The following SLC6A3 variants were observed in gnomAD, a reference collection of about 807,000 sequenced individuals.
SLC6A3 encodes the protein solute carrier family 6 member 3.
In SLC6A3, 19 loss-of-function variants were observed where a neutral mutation model predicts 70.4. The ratio of observed to expected loss-of-function variants is 0.27; its 90% CI spans 0.19 to 0.40. The LOEUF is 0.40. SLC6A3 is among the 10% of genes least tolerant of loss of function. The probability of loss-of-function intolerance (pLI) is 1.00; values close to 1 mark genes in which losing one functional copy is unlikely to be tolerated. For missense variants in SLC6A3, 613 were observed against 838.5 expected, an observed-to-expected ratio of 0.73 and a Z score of 3.32; for synonymous variants, 368 against 356.6, an observed-to-expected ratio of 1.03 and a Z score of -0.36.
chr5:1,406,389 C>T lies in SLC6A3; in HGVS notation c.1499-101G>A. ...CGCTGACTCCCAAGGGCCCCACCTA[C>T]CGGCCCCAGGCTTCGGCTGCACCCA... On this transcript the variant is annotated intron_variant, in intron 11 of 14. Transcript: ENST00000270349. This position sits in a 1 kb window ranked among gnomAD's most constrained non-coding sequence, Gnocchi z 8.8. 9.7e-7 allele frequency: 1 copy of T among 1,034,546 alleles called. No homozygotes were observed. The highest frequency in any genetic ancestry group is 1.6e-5 in the African/African-American group (1 of 63,734). 64.1% of individuals were successfully genotyped at this position (1,034,546 alleles called of 1,614,324 possible).
rs530081206 is a variant in SLC6A3 at position 1,396,557 on chromosome 5, C to T, written c.1840-1799G>A. 1.4e-4 allele frequency among the ~76,000 whole-genome samples: 21 copies of T among 152,296 alleles called. No homozygotes were observed. Among genetic ancestry groups the T allele is most frequent in the Admixed American group, 9.8e-4 (15 of 15,306 alleles). On this transcript the variant is annotated intron_variant, in intron 14 of 14. Coordinates refer to ENST00000270349, the MANE Select transcript of SLC6A3 (RefSeq NM_001044.5). The surrounding 1 kb of genome is among the most constrained non-coding windows in gnomAD (Gnocchi z 7.0). ...GGTGGCTGCAGTTTGCAGGCCAGAG[C>T]GCCAGAGAGGAGGTGGCCACACAGA...
intron 6 of SLC6A3, chr5:1,416,569 G>A (rs987997758): frequency 2.5e-5 from 7 of 279,040 alleles, no homozygotes; most frequent in South Asian, 4.2e-5. Flanking sequence ...GGAACAGCAC[G>A]GCCTCATCTA....
At chr5:1,429,779 C>A (rs1756652821) in intron 4 of SLC6A3, among the ~76,000 whole-genome samples, 1 of 152,200 alleles carries the variant, frequency 6.6e-6, no homozygotes, top group Non-Finnish European at 1.5e-5. Flanking sequence ...CTCCTGCTGT[C>A]CCCTCTCTTT....
chr5:1,435,897 T>C (rs1439878315), intron 3 of SLC6A3, among the ~76,000 whole-genome samples: 1 of 145,612 alleles, frequency 6.9e-6, no homozygotes, highest in Non-Finnish European at 1.5e-5. Context: ...CCTGGGCACC[T>C]GGGTGAGGAA....
chr5:1,443,046 C>T lies in SLC6A3; in HGVS notation c.152G>A (p.Arg51Gln), dbSNP rs774827862. The T allele has an allele frequency of 3.7e-5, 60 of 1,614,082 alleles. No homozygotes were observed. Among genetic ancestry groups the T allele is most frequent in the Non-Finnish European group, 4.7e-5 (56 of 1,180,042 alleles). Reference protein sequence around the residue: ...QLTSSTLTNPRQSPVEAQDRE... With the variant: ...QLTSSTLTNPQQSPVEAQDRE... ...ATCCTGGGCCTCCACGGGGCTCTGC[C>T]GCGGGTTGGTGAGGGTGGAGCTGGT... Residue 51 changes from arginine (R) to glutamine (Q), a missense_variant, in exon 2 of 15, where the codon CGG becomes CAG. By Grantham distance (43) the Arg-to-Gln change is conservative. This residue lies in a region of SLC6A3 where 111 missense variants were observed against 91.6 expected (regional missense o/e 1.21). Coordinates refer to ENST00000270349, the MANE Select transcript of SLC6A3 (RefSeq NM_001044.5).
At chr5:1,425,299 G>A (rs2126380223) in intron 4 of SLC6A3, among the ~76,000 whole-genome samples, 1 of 152,334 alleles carries the variant, frequency 6.6e-6, no homozygotes, top group East Asian at 1.9e-4. Context: ...AGGCAGTGAG[G>A]TGGTGAAACA....
rs1046883862 is a variant in SLC6A3, at chr5:1,421,620, G to A, written c.792+256C>T. On this transcript the variant is annotated intron_variant, in intron 5 of 14. Coordinates refer to ENST00000270349, the MANE Select transcript of SLC6A3 (RefSeq NM_001044.5). This position sits in a 1 kb window ranked among gnomAD's most constrained non-coding sequence, Gnocchi z 7.2. ...TGTCCCCCCACCCACCCATGGCCGCGCGTCTACCCAAGCCAACCCGGCACA... is the reference window on the plus strand; with the variant it reads ...TGTCCCCCCACCCACCCATGGCCGCACGTCTACCCAAGCCAACCCGGCACA... Among the ~76,000 whole-genome samples the A allele has an allele frequency of 2.0e-5, 3 of 149,426 alleles. No individual in the cohort carries two copies. The highest frequency in any genetic ancestry group is 5.0e-5 in the African/African-American group (2 of 40,230).
In SLC6A3 at chr5:1,413,438, T is replaced by G. The variant is rs918281675; in HGVS notation, c.1156+1253A>C. ...GTGCGAGGGTCCTAGTGCCCCACTC[T>G]GTGAGACTCAGGTGCGGTCAAGGCT... On this transcript the variant is annotated intron_variant, in intron 8 of 14. Transcript: ENST00000270349. The surrounding 1 kb of genome is among the most constrained non-coding windows in gnomAD (Gnocchi z 7.1). Among the ~76,000 whole-genome samples the G allele has an allele frequency of 6.6e-6, 1 of 152,190 alleles. No individual in the cohort carries two copies. Among genetic ancestry groups the G allele is most frequent in the Non-Finnish European group, 1.5e-5 (1 of 68,034 alleles).
chr5:1,407,935 G>C (rs918605780), intron 11 of SLC6A3, among the ~76,000 whole-genome samples: 44 of 152,292 alleles, frequency 2.9e-4, no homozygotes, highest in African/African-American at 1.1e-3. Flanking sequence ...CAGGTGAGCT[G>C]GGCGTCCTCC....
chr5:1,416,008 T>C (rs1353692100), intron 7 of SLC6A3, 90 bp downstream of exon 7: 2 of 1,008,530 alleles, frequency 2.0e-6, no homozygotes, highest in Non-Finnish European at 3.1e-6. Context: ...GGATCCGCCC[T>C]GTTCTCATCC....
rs929845423 is a variant in SLC6A3, at chr5:1,400,298, C to G, written c.1839+617G>C. 2.0e-5 allele frequency among the ~76,000 whole-genome samples: 3 copies of G among 152,220 alleles called. No individual in the cohort carries two copies. In the East Asian group the frequency reaches 5.8e-4, roughly 29 times the overall value. ...CAGGGACCCTGGTGTAGAGAGAGTG[C>G]TGGGCTGCCTCTTAGGGTTGTGGGA... On this transcript the variant is annotated intron_variant, in intron 14 of 14. Coordinates refer to ENST00000270349, the MANE Select transcript of SLC6A3 (RefSeq NM_001044.5).
chr5:1,410,250 C>T (rs995770464), intron 9 of SLC6A3, among the ~76,000 whole-genome samples: 1 of 152,208 alleles, frequency 6.6e-6, no homozygotes, highest in Admixed American at 6.5e-5. Context: ...TCATTGGCTA[C>T]GCCTTCCCGA....
chr5:1,403,324 C>T (rs1755896031), intron 12 of SLC6A3, among the ~76,000 whole-genome samples: 1 of 138,742 alleles, frequency 7.2e-6, no homozygotes, highest in East Asian at 2.2e-4. Flanking sequence ...CCTCCCCTCC[C>T]ATCCCATCCT....
At chr5:1,422,238 C>G (rs1287070051) in intron 4 of SLC6A3, among the ~76,000 whole-genome samples, 1 of 152,250 alleles carries the variant, frequency 6.6e-6, no homozygotes, top group Non-Finnish European at 1.5e-5. Flanking sequence ...CCCAGGAAGC[C>G]CTGCCTCACC....
rs1210253085 is a variant in SLC6A3, at chr5:1,413,274, G to C, written c.1156+1417C>G. Among the ~76,000 whole-genome samples, 1 of 152,148 alleles carries C rather than the reference G, an allele frequency of 6.6e-6. No homozygotes were observed. The highest frequency in any genetic ancestry group is 1.9e-4 in the East Asian group (1 of 5,198). ...GCAGATGTTCCCTTTCTCCCGCTTT[G>C]ACTGAATTTTTTTTCCTAGTGGAAA... is the stretch of plus-strand genomic sequence containing the variant. On this transcript the variant is annotated intron_variant, in intron 8 of 14. Coordinates refer to ENST00000270349, the MANE Select transcript of SLC6A3 (RefSeq NM_001044.5). The surrounding 1 kb of genome is among the most constrained non-coding windows in gnomAD (Gnocchi z 7.1).
Position 1,394,132 on chromosome 5 carries a change from G to A in SLC6A3, c.*603C>T, listed in dbSNP as rs539912214. 7 of 157,770 alleles carry A rather than the reference G, an allele frequency of 4.4e-5. No individual in the cohort carries two copies. In the South Asian group the frequency reaches 1.4e-3, roughly 31 times the overall value. The allele number at this position is 157,770 out of a possible 1,614,324, so 9.8% of individuals were successfully genotyped here. On this transcript the variant is annotated 3_prime_UTR_variant, in exon 15 of 15. Transcript: ENST00000270349. The surrounding 1 kb of genome is among the most constrained non-coding windows in gnomAD (Gnocchi z 4.7). ...CATACCAGGACCCCCATCCTCCAAT[G>A]CCTCTGAACAGACTGTGTGTGCAAT...
At chr5:1,409,610 TC>T in intron 10 of SLC6A3, 110 bp downstream of exon 10, 1 of 1,302,798 alleles carries the variant, frequency 7.7e-7, no homozygotes. Flanking sequence ...GGTTCGCAGC[TC>T]CCTGGAAGTG....
chr5:1,432,817 C>G, intron 3 of SLC6A3, 119 bp from the exon 4 acceptor site: 2 of 743,058 alleles, frequency 2.7e-6, no homozygotes, highest in South Asian at 3.0e-5. Context: ...AACTCCTGGA[C>G]AGCCCTGATG....
At chr5:1,434,703 T>C (rs934875416) in intron 3 of SLC6A3, among the ~76,000 whole-genome samples, 5 of 152,238 alleles carry the variant, frequency 3.3e-5, no homozygotes, top group Admixed American at 2.6e-4. Context: ...TAAAACCCAG[T>C]AGGCACCATG....
Sources: gnomAD v4.1 joint callset for allele counts (sites outside exome capture counted in the v4.1 genomes callset) on GRCh38, gnomAD v4.1.1 for gene constraint, gnomAD v4.1.1 regional missense constraint, Gnocchi (gnomAD v3.1) non-coding constraint, MANE v1.5 for transcripts, NCBI Gene and HGNC (gene_info 2026-07-23, HGNC 2026-07-21) for gene names.